Variants in PIK3R6 observed in about 807,000 individuals in gnomAD.
PIK3R6 encodes the protein phosphoinositide 3-kinase regulatory subunit 6.
In PIK3R6, 91 loss-of-function variants were observed where a neutral mutation model predicts 84.9. The ratio of observed to expected loss-of-function variants is 1.07; its 90% CI spans 0.90 to 1.28. PIK3R6 has a LOEUF of 1.28. Among genes scored for constraint, PIK3R6 ranks in the 50% most tolerant of loss-of-function variants. PIK3R6 has a pLI of 0.00. For synonymous variants in PIK3R6, 416 were observed against 411.4 expected (o/e 1.01, Z -0.13); for missense variants, 996 against 985.1 (o/e 1.01, Z -0.15).
chr17:8,819,693 C>T (rs541151758), intron 17 of PIK3R6, among the ~76,000 whole-genome samples: 2,038 of 117,114 alleles, frequency 0.017, 45 homozygotes, highest in African/African-American at 0.073. Context: ...TATATATACA[C>T]ACACACACAC....
chr17:8,823,270 C>T (rs2087802194), intron 14 of PIK3R6, 117 bp downstream of exon 14: 1 of 847,564 alleles, frequency 1.2e-6, no homozygotes, highest in Admixed American at 2.4e-5. Flanking sequence ...ACGTTAATAA[C>T]CAAGAGCGTC....
At chr17:8,851,124 T>TA (rs35363725) in intron 1 of PIK3R6, among the ~76,000 whole-genome samples, 30 of 149,760 alleles carry the variant, frequency 2.0e-4, no homozygotes, top group Admixed American at 8.7e-4. Flanking sequence ...TAAAGGTAGT[T>TA]AAAAAAAAAA....
intron 1 of PIK3R6, among the ~76,000 whole-genome samples, chr17:8,851,061 A>G (rs1002970052): frequency 2.6e-5 from 4 of 152,140 alleles, no homozygotes; most frequent in African/African-American, 9.7e-5. Context: ...GAAAGAAGAG[A>G]AGATTCTCAG....
chr17:8,840,318 T>TCCAAATATATGAAATATATAC, intron 2 of PIK3R6, among the ~76,000 whole-genome samples: 1 of 86,526 alleles, frequency 1.2e-5, no homozygotes, highest in Non-Finnish European at 2.6e-5. Flanking sequence ...GAAATATATA[T>TCCAAATATATGAAATATATAC]AGCCTCCAAA....
chr17:8,822,741 G>A, intron 15 of PIK3R6, 84 bp from the exon 16 acceptor site: 1 of 1,386,794 alleles, frequency 7.2e-7, no homozygotes, highest in Non-Finnish European at 1.0e-6. Flanking sequence ...GGCAGGAGCT[G>A]AGCTGCTGGG....
At chr17:8,835,777 C>T (rs767552677) in intron 7 of PIK3R6, among the ~76,000 whole-genome samples, 1 of 152,078 alleles carries the variant, frequency 6.6e-6, no homozygotes, top group South Asian at 2.1e-4. Context: ...GGGACCAGGT[C>T]ACCCTCTAGG....
At chr17:8,838,698 G>T in intron 3 of PIK3R6, 43 bp from the exon 4 acceptor site, 1 of 1,531,764 alleles carries the variant, frequency 6.5e-7, no homozygotes, top group Non-Finnish European at 8.8e-7. Context: ...CAGGTGGGCA[G>T]TTCTTAGAGG....
At chr17:8,863,577 T>G (rs1225541260) in intron 1 of PIK3R6, among the ~76,000 whole-genome samples, 1 of 151,948 alleles carries the variant, frequency 6.6e-6, no homozygotes, top group Non-Finnish European at 1.5e-5. Context: ...CTCTGTCACC[T>G]AGGCTGGAGT....
intron 8 of PIK3R6, among the ~76,000 whole-genome samples, 173 bp downstream of exon 8, chr17:8,835,100 A>T (rs760375631): frequency 1.2e-4 from 19 of 152,202 alleles, no homozygotes; most frequent in Admixed American, 3.3e-4. Context: ...AGCCTCCCAA[A>T]GTGCTGGGGT....
intron 1 of PIK3R6, among the ~76,000 whole-genome samples, chr17:8,866,386 C>A (rs534747833): frequency 6.6e-6 from 1 of 152,000 alleles, no homozygotes; most frequent in Admixed American, 6.6e-5. Context: ...ACTAAAAATA[C>A]AAAAAATTAG....
At chr17:8,834,924 A>G (rs2088400606) in intron 8 of PIK3R6, among the ~76,000 whole-genome samples, 1 of 151,830 alleles carries the variant, frequency 6.6e-6, no homozygotes, top group Admixed American at 6.6e-5. Context: ...TGCAACCTCC[A>G]CTTTCCGGGT....
chr17:8,866,474 G>A (rs1052360503), intron 1 of PIK3R6, among the ~76,000 whole-genome samples: 4 of 152,028 alleles, frequency 2.6e-5, no homozygotes, highest in Non-Finnish European at 5.9e-5. Context: ...CCCAGGAGAC[G>A]GAGGTTGCAG....
intron 13 of PIK3R6, among the ~76,000 whole-genome samples, chr17:8,826,867 C>T (rs2087934925): frequency 6.6e-6 from 1 of 151,930 alleles, no homozygotes; most frequent in African/African-American, 2.4e-5. Flanking sequence ...GTATAACTGC[C>T]CTACACACTT....
intron 1 of PIK3R6, among the ~76,000 whole-genome samples, chr17:8,854,174 G>A (rs751189405): frequency 8.0e-5 from 12 of 150,648 alleles, no homozygotes; most frequent in Admixed American, 2.0e-4. Flanking sequence ...TTTTTGAAAC[G>A]GAGTCTTGCT....
At chr17:8,829,234 CTGAAACACAT>C (rs764678241) in intron 10 of PIK3R6, among the ~76,000 whole-genome samples, 13 of 151,340 alleles carry the variant, frequency 8.6e-5, no homozygotes, top group South Asian at 8.3e-4. Context: ...CAGAGACACA[CTGAAACACAT>C]GCATGCACGC....
Position 8,803,191 on chromosome 17 carries a change from G to T in PIK3R6, c.*82C>A. ...GGCCAAAGCTGCCGTGTGGAGCCGG[G>T]CCTTGCTCTGGCTGTTGGTGTGAGT... On this transcript the variant is annotated 3_prime_UTR_variant, in exon 20 of 20. Transcript: ENST00000619866. This position sits in a 1 kb window ranked among gnomAD's most constrained non-coding sequence, Gnocchi z 5.0. The T allele has an allele frequency of 6.4e-7, 1 of 1,562,518 alleles. No individual in the cohort carries two copies. Among genetic ancestry groups the T allele is most frequent in the Non-Finnish European group, 8.8e-7 (1 of 1,142,674 alleles).
intron 4 of PIK3R6, among the ~76,000 whole-genome samples, 174 bp from the exon 5 acceptor site, chr17:8,838,045 G>A (rs1486827573): frequency 1.3e-5 from 2 of 152,174 alleles, no homozygotes; most frequent in South Asian, 2.1e-4. Flanking sequence ...GCACACAGGT[G>A]AGGAAGCCCC....
Position 8,804,156 on chromosome 17 carries a change from G to C in PIK3R6, c.1996-3C>G, listed in dbSNP as rs367561223. 1 of 1,610,092 alleles carries C rather than the reference G, an allele frequency of 6.2e-7. No homozygotes were observed. The highest frequency in any genetic ancestry group is 8.5e-7 in the Non-Finnish European group (1 of 1,176,382). ...GTCCTGAAGGTGTTGGTCACTGTCT[G>C]CAGCACAGAGATCGCACGTGTGAGT... is the stretch of plus-strand genomic sequence containing the variant. On this transcript the variant is annotated splice_region_variant and splice_polypyrimidine_tract_variant and intron_variant, in intron 18 of 19. Transcript: ENST00000619866.
intron 14 of PIK3R6, 68 bp from the exon 15 acceptor site, chr17:8,823,154 G>C: frequency 7.9e-7 from 1 of 1,262,146 alleles, no homozygotes; most frequent in South Asian, 1.2e-5. Flanking sequence ...CTGATTTCCA[G>C]GGATCCAGGG....
Sources: allele counts gnomAD v4.1 joint callset (sites outside exome capture counted in the v4.1 genomes callset), GRCh38; gene constraint gnomAD v4.1.1; non-coding constraint Gnocchi (gnomAD v3.1); transcripts MANE v1.5; gene names NCBI Gene and HGNC (gene_info 2026-07-23, HGNC 2026-07-21).